ZWILCH: variants seen among roughly 807,000 people sequenced by gnomAD.
ZWILCH encodes the protein protein zwilch homolog.
A neutral mutation model predicts 79.9 loss-of-function variants in ZWILCH; 74 were observed. The ratio of observed to expected loss-of-function variants is 0.93; its 90% confidence interval spans 0.77 to 1.12. The LOEUF is 1.12. ZWILCH is among the 50% of genes most tolerant of loss of function. The pLI is 0.00. For missense variants in ZWILCH, 694 were observed against 687.5 expected, an observed-to-expected ratio of 1.01 and a Z score of -0.11; for synonymous variants, 241 against 228.2, an observed-to-expected ratio of 1.06 and a Z score of -0.51.
chr15:66,540,060 T>C lies in ZWILCH; in HGVS notation c.1575-38T>C, dbSNP rs947643586. 3.9e-6 allele frequency: 6 copies of C among 1,527,422 alleles called. No homozygotes were observed. The Admixed American group carries it at 9.2e-5, about 23-fold the overall frequency. The allele number at this position is 1,527,422 out of a possible 1,614,324, so 94.6% of individuals were successfully genotyped here. ...GAGGGAAGGAAGTAAATGGCTGTTT[T>C]TGAAAATTTTTCTTTTGTCGTTTTA... On this transcript the variant is annotated intron_variant, in intron 16 of 18. Coordinates refer to ENST00000307897, the MANE Select transcript of ZWILCH (RefSeq NM_017975.5).
chr15:66,540,349 T>A, intron 17 of ZWILCH, 139 bp downstream of exon 17: 4 of 579,738 alleles, frequency 6.9e-6, no homozygotes, highest in Non-Finnish European at 1.2e-5. Flanking sequence ...CTCAGGAGTT[T>A]GAGACCAGCC....
At chr15:66,513,073 G>C (rs1190907340) in intron 2 of ZWILCH, among the ~76,000 whole-genome samples, 1 of 152,014 alleles carries the variant, frequency 6.6e-6, no homozygotes, top group Non-Finnish European at 1.5e-5. Flanking sequence ...GGGATTACAG[G>C]CATGAGCCAC....
intron 4 of ZWILCH, among the ~76,000 whole-genome samples, chr15:66,517,407 T>C (rs1894305850): frequency 1.2e-5 from 1 of 82,802 alleles, no homozygotes; most frequent in African/African-American, 4.4e-5. Context: ...AGATTTTGTG[T>C]TTGTGTGTGC....
At chr15:66,544,102 A>G (rs1322826705) in intron 17 of ZWILCH, among the ~76,000 whole-genome samples, 3 of 151,878 alleles carry the variant, frequency 2.0e-5, no homozygotes, top group African/African-American at 4.8e-5. Context: ...CTAAAAATAT[A>G]AAAAATTAGC....
At position 66,548,372 on chromosome 15, in the gene ZWILCH, GA is replaced by G; in HGVS notation, c.*55del. Reference sequence around the variant, plus strand: ...CCAGCACAAGCCAAAAAGAGAAAGAGAAAAAAAGGTAATTATTGTAGAACCT... The same window carrying G: ...CCAGCACAAGCCAAAAAGAGAAAGAGAAAAAAGGTAATTATTGTAGAACCT... On this transcript the variant is annotated 3_prime_UTR_variant, in exon 19 of 19. Coordinates refer to ENST00000307897, the MANE Select transcript of ZWILCH (RefSeq NM_017975.5). 2.0e-6 allele frequency: 1 copy of G among 497,360 alleles called. No homozygotes were observed. The allele number at this position is 497,360 out of a possible 1,614,324, so 30.8% of individuals were successfully genotyped here. A position where few individuals can be genotyped will look rare whatever the true frequency, so the allele number is the denominator to read the frequency against.
Position 66,549,209 on chromosome 15 carries a change from G to C in ZWILCH, c.*885G>C, listed in dbSNP as rs549003026. On this transcript the variant is annotated 3_prime_UTR_variant, in exon 19 of 19. Transcript: ENST00000307897. Reference sequence around the variant, plus strand: ...TAAATAAGGCACTGGACATCCTCACGTGGAGTTCACAGGCTCATCAGTGAA... The same window carrying C: ...TAAATAAGGCACTGGACATCCTCACCTGGAGTTCACAGGCTCATCAGTGAA... 2.6e-5 allele frequency: 4 copies of C among 152,298 alleles called. No individual in the cohort carries two copies. Among genetic ancestry groups the C allele is most frequent in the African/African-American group, 7.2e-5 (3 of 41,538 alleles). 9.4% of individuals were successfully genotyped at this position (152,298 alleles called of 1,614,324 possible).
chr15:66,548,269 AT>A, intron 18 of ZWILCH, 81 bp from the exon 19 acceptor site: 1 of 346,868 alleles, frequency 2.9e-6, no homozygotes, highest in Non-Finnish European at 5.2e-6. Context: ...AAATCTTAAC[AT>A]TAACTTTAGG....
At chr15:66,524,824 C>T (rs1894617527) in intron 8 of ZWILCH, among the ~76,000 whole-genome samples, 1 of 152,110 alleles carries the variant, frequency 6.6e-6, no homozygotes, top group African/African-American at 2.4e-5. Flanking sequence ...CACCTTTCTT[C>T]TTTCTTGAAA....
chr15:66,535,127 A>T (rs1470748036), intron 14 of ZWILCH, among the ~76,000 whole-genome samples: 1 of 152,034 alleles, frequency 6.6e-6, no homozygotes, highest in African/African-American at 2.4e-5. Context: ...CATCAGTATC[A>T]CTGTCTTCCG....
intron 5 of ZWILCH, among the ~76,000 whole-genome samples, chr15:66,519,918 C>A (rs1894434579): frequency 6.6e-6 from 1 of 152,196 alleles, no homozygotes; most frequent in African/African-American, 2.4e-5. Flanking sequence ...CCACCATAAC[C>A]TCCTGAATAG....
intron 4 of ZWILCH, among the ~76,000 whole-genome samples, chr15:66,517,300 C>T (rs1894301251): frequency 6.6e-6 from 1 of 151,024 alleles, no homozygotes; most frequent in African/African-American, 2.4e-5. Context: ...ATATGCAAAG[C>T]AGTGTATTGC....
chr15:66,511,105 G>T (rs1416051958), intron 2 of ZWILCH, among the ~76,000 whole-genome samples: 2 of 152,080 alleles, frequency 1.3e-5, no homozygotes, highest in African/African-American at 4.8e-5. Context: ...TCTGTGCTTG[G>T]TTTCTTCATG....
At chr15:66,509,811 G>A (rs1893965992) in intron 2 of ZWILCH, among the ~76,000 whole-genome samples, 1 of 134,666 alleles carries the variant, frequency 7.4e-6, no homozygotes, top group Non-Finnish European at 1.6e-5. Flanking sequence ...AATTATGTGT[G>A]TGTGTGGCTA....
intron 18 of ZWILCH, 104 bp downstream of exon 18, chr15:66,546,809 A>G: frequency 2.1e-6 from 1 of 477,170 alleles, no homozygotes; most frequent in South Asian, 4.2e-5. Context: ...CATTAGGAAT[A>G]GGGATTATTA....
rs1406494139 is a variant in ZWILCH at position 66,515,117 on chromosome 15, TCTTTTC to T, written c.202-408_202-403del. ...CCACCACCCTGGCTGATTTTTTTTT[TCTTTTC>T]TTTTTTTGGTAGTCACAGGTCTCCC... On this transcript the variant is annotated intron_variant, in intron 3 of 18. Coordinates refer to ENST00000307897, the MANE Select transcript of ZWILCH (RefSeq NM_017975.5). 2.6e-4 allele frequency among the ~76,000 whole-genome samples: 35 copies of T among 136,098 alleles called. 1 individual carries two copies. The highest frequency in any genetic ancestry group is 4.1e-4 in the Non-Finnish European group (24 of 57,986). The allele number at this position is 136,098 out of a possible 152,430, so 89.3% of individuals were successfully genotyped here.
chr15:66,527,218 AT>A, intron 8 of ZWILCH, 71 bp from the exon 9 acceptor site: 1 of 1,033,586 alleles, frequency 9.7e-7, no homozygotes, highest in Non-Finnish European at 1.5e-6. Flanking sequence ...TAATATTATT[AT>A]TACATACATC....
In ZWILCH at chr15:66,510,173, G is replaced by A. The variant is rs557214275; in HGVS notation, c.105+1281G>A. On this transcript the variant is annotated intron_variant, in intron 2 of 18. Transcript: ENST00000307897. ...AGCCTGGGCGACAGAGTGAAACTCCGTCTCTAATAAAATAAAATAATAAAA... is the reference window on the plus strand; with the variant it reads ...AGCCTGGGCGACAGAGTGAAACTCCATCTCTAATAAAATAAAATAATAAAA... 2.6e-4 allele frequency among the ~76,000 whole-genome samples: 35 copies of A among 135,492 alleles called. No individual in the cohort carries two copies. In the East Asian group the frequency reaches 3.3e-3, roughly 13 times the overall value. The allele number at this position is 135,492 out of a possible 152,430, so 88.9% of individuals were successfully genotyped here.
At chr15:66,538,849 C>G (rs1895104507) in intron 16 of ZWILCH, among the ~76,000 whole-genome samples, 1 of 152,206 alleles carries the variant, frequency 6.6e-6, no homozygotes, top group Admixed American at 6.5e-5. Context: ...TCTTCTGCCA[C>G]TTTTCACCAG....
At chr15:66,515,980 T>C (rs373204016) in intron 4 of ZWILCH, among the ~76,000 whole-genome samples, 137 of 152,356 alleles carry the variant, frequency 9.0e-4, no homozygotes, top group Middle Eastern at 6.8e-3. Flanking sequence ...TAAAATCCTT[T>C]AGAGGTTCTT....
Sources: gnomAD v4.1 joint callset for allele counts (sites outside exome capture counted in the v4.1 genomes callset) on GRCh38, gnomAD v4.1.1 for gene constraint, MANE v1.5 for transcripts, NCBI Gene and HGNC (gene_info 2026-07-23, HGNC 2026-07-21) for gene names.